SGCZ: variants seen among roughly 807,000 people sequenced by gnomAD.
SGCZ encodes the protein zeta-sarcoglycan.
A neutral mutation model predicts 41.3 loss-of-function variants in SGCZ; 40 were observed. The observed-to-expected ratio is 0.97, with a 90% CI of 0.75 to 1.26. SGCZ has a LOEUF of 1.26. Among genes scored for constraint, SGCZ ranks in the 50% most tolerant of loss-of-function variants. The probability of loss-of-function intolerance (pLI) is 0.00; values close to 1 mark genes in which losing one functional copy is unlikely to be tolerated. For synonymous variants in SGCZ, 206 were observed against 137.5 expected (o/e 1.50, Z -3.49); for missense variants, 552 against 369.8 (o/e 1.49, Z -4.04).
intron 2 of SGCZ, among the ~76,000 whole-genome samples, chr8:14,550,234 C>T (rs1351151818): frequency 6.6e-6 from 1 of 151,564 alleles, no homozygotes; most frequent in Non-Finnish European, 1.5e-5. Flanking sequence ...ATTACAGCTG[C>T]ACAAGCGATA....
At chr8:14,695,200 A>C (rs1345172473) in intron 1 of SGCZ, among the ~76,000 whole-genome samples, 1 of 152,202 alleles carries the variant, frequency 6.6e-6, no homozygotes, top group African/African-American at 2.4e-5. Flanking sequence ...TTTTATGATG[A>C]TAATGATGAC....
At chr8:14,464,972 T>A (rs1331428915) in intron 2 of SGCZ, among the ~76,000 whole-genome samples, 1 of 151,698 alleles carries the variant, frequency 6.6e-6, no homozygotes, top group East Asian at 1.9e-4. Flanking sequence ...TTTTAAAATA[T>A]GCCAATACTT....
At chr8:14,239,775 G>A (rs1035389775) in intron 3 of SGCZ, among the ~76,000 whole-genome samples, 11 of 149,120 alleles carry the variant, frequency 7.4e-5, no homozygotes, top group African/African-American at 2.2e-4. Flanking sequence ...AGTGGCGGGC[G>A]CCTGTAGTCC....
At chr8:14,591,665 G>T (rs186716077) in intron 1 of SGCZ, among the ~76,000 whole-genome samples, 1 of 151,988 alleles carries the variant, frequency 6.6e-6, no homozygotes, top group Admixed American at 6.6e-5. Flanking sequence ...ATGAATGAAT[G>T]CCAGTAAAAA....
chr8:14,318,722 A>G (rs1801808904), intron 3 of SGCZ, among the ~76,000 whole-genome samples: 1 of 152,048 alleles, frequency 6.6e-6, no homozygotes. Context: ...GAACAGTCAC[A>G]GTCTGCCTTT....
intron 1 of SGCZ, among the ~76,000 whole-genome samples, chr8:14,737,929 T>C (rs1799094102): frequency 6.6e-6 from 1 of 152,088 alleles, no homozygotes; most frequent in African/African-American, 2.4e-5. Flanking sequence ...TTATTCTATA[T>C]TAAAAGCCAA....
intron 1 of SGCZ, among the ~76,000 whole-genome samples, chr8:14,971,679 C>T (rs1198328131): frequency 1.5e-5 from 2 of 136,508 alleles, no homozygotes; most frequent in Non-Finnish European, 3.1e-5. Flanking sequence ...GCGACGGAGT[C>T]CTGCTCTGTC....
intron 4 of SGCZ, among the ~76,000 whole-genome samples, chr8:14,233,147 G>C (rs1408995953): frequency 6.6e-6 from 1 of 151,870 alleles, no homozygotes; most frequent in Non-Finnish European, 1.5e-5. Flanking sequence ...TCTTTTTCCA[G>C]TTTCTGAATT....
chr8:14,250,948 C>A (rs1431563740), intron 3 of SGCZ, among the ~76,000 whole-genome samples: 1 of 152,162 alleles, frequency 6.6e-6, no homozygotes, highest in Non-Finnish European at 1.5e-5. Flanking sequence ...CATACTTGGG[C>A]TAGGCATGGT....
intron 1 of SGCZ, among the ~76,000 whole-genome samples, chr8:14,705,140 CT>C (rs1239988536): frequency 2.6e-5 from 4 of 151,986 alleles, no homozygotes; most frequent in East Asian, 1.9e-4. Context: ...TTCAACACCC[CT>C]TTTTAGACCT....
intron 5 of SGCZ, among the ~76,000 whole-genome samples, chr8:14,159,576 G>C (rs1803979203): frequency 6.6e-6 from 1 of 152,162 alleles, no homozygotes; most frequent in African/African-American, 2.4e-5. Flanking sequence ...AAAGCAACTA[G>C]AAAACTGAGT....
chr8:15,117,288 G>T (rs546812534), intron 1 of SGCZ, among the ~76,000 whole-genome samples: 6 of 151,726 alleles, frequency 4.0e-5, no homozygotes, highest in East Asian at 3.9e-4. Context: ...GAACCTGGGA[G>T]GGGGAGCTCG....
intron 1 of SGCZ, among the ~76,000 whole-genome samples, chr8:15,131,978 CAG>C (rs1257976419): frequency 2.0e-5 from 3 of 152,138 alleles, no homozygotes; most frequent in African/African-American, 7.2e-5. Context: ...TTATTTGTAA[CAG>C]AGCTAAGCAA....
At chr8:14,680,501 G>T (rs1190571191) in intron 1 of SGCZ, among the ~76,000 whole-genome samples, 2 of 151,910 alleles carry the variant, frequency 1.3e-5, no homozygotes, top group African/African-American at 4.8e-5. Flanking sequence ...ACTAAATACT[G>T]TTCTAAAAAT....
At chr8:14,687,514 G>A (rs1351963851) in intron 1 of SGCZ, among the ~76,000 whole-genome samples, 1 of 151,792 alleles carries the variant, frequency 6.6e-6, no homozygotes, top group Non-Finnish European at 1.5e-5. Flanking sequence ...TCCCTACAAA[G>A]GACATGAACT....
chr8:15,088,839 C>T (rs1306723951), intron 1 of SGCZ, among the ~76,000 whole-genome samples: 1 of 152,108 alleles, frequency 6.6e-6, no homozygotes, highest in Non-Finnish European at 1.5e-5. Flanking sequence ...ACTCACATGG[C>T]CTTTGCACCA....
chr8:15,046,352 T>C (rs1372207618), intron 1 of SGCZ, among the ~76,000 whole-genome samples: 5 of 152,054 alleles, frequency 3.3e-5, no homozygotes, highest in African/African-American at 1.2e-4. Flanking sequence ...ACCATTCAAG[T>C]TAATTCCCCC....
At chr8:15,209,188 G>C (rs1276239149) in intron 1 of SGCZ, among the ~76,000 whole-genome samples, 1 of 151,986 alleles carries the variant, frequency 6.6e-6, no homozygotes, top group African/African-American at 2.4e-5. Context: ...AATGATTATA[G>C]TATGAATTTG....
intron 1 of SGCZ, among the ~76,000 whole-genome samples, chr8:14,775,476 T>TGA (rs1794175362): frequency 6.6e-6 from 1 of 151,440 alleles, no homozygotes; most frequent in Admixed American, 6.6e-5. Flanking sequence ...TGTGTGTGTG[T>TGA]GTGTGTGTGT....
Sources: allele counts gnomAD v4.1 joint callset (sites outside exome capture counted in the v4.1 genomes callset), GRCh38; gene constraint gnomAD v4.1.1; transcripts MANE v1.5; gene names NCBI Gene and HGNC (gene_info 2026-07-23, HGNC 2026-07-21).